The following FXYD1 variants were observed in gnomAD, a reference collection of about 807,000 sequenced individuals.
The protein encoded by FXYD1 is phospholemman.
FXYD1 carries 9 observed loss-of-function variants against 17.2 expected under a neutral mutation model. The ratio of observed to expected loss-of-function variants is 0.52; its 90% CI spans 0.32 to 0.91. The LOEUF (loss-of-function observed/expected upper bound fraction) is 0.91. Among genes scored for constraint, FXYD1 ranks in the 40% least tolerant of loss-of-function variants. FXYD1 has a pLI of 0.04. For missense variants in FXYD1, 113 were observed against 120.6 expected (o/e 0.94, Z 0.29); for synonymous variants, 55 against 45.8 (o/e 1.20, Z -0.81).
intron 4 of FXYD1, 25 bp downstream of exon 4, chr19:35,141,231 C>T (rs1351990151): frequency 2.8e-6 from 4 of 1,409,234 alleles, no homozygotes; most frequent in Non-Finnish European, 4.0e-6. Context: ...CTCCCGCCCT[C>T]TACCCCGCCT....
Position 35,140,095 on chromosome 19 carries a change from C to T in FXYD1, c.16C>T (p.His6Tyr). 1 of 1,612,436 alleles carries T rather than the reference C, an allele frequency of 6.2e-7. No individual in the cohort carries two copies. The highest frequency in any genetic ancestry group is 8.5e-7 in the Non-Finnish European group (1 of 1,178,498). Reference sequence around the variant, plus strand: ...CCCCAGGACAATGGCGTCTCTTGGCCACATCTTGGTTTTCTGTGTGGGTCT... The same window carrying T: ...CCCCAGGACAATGGCGTCTCTTGGCTACATCTTGGTTTTCTGTGTGGGTCT... MASLG[H>Y]ILVFCVGLLT... The change falls in exon 2 of 8, where the codon CAC (histidine) becomes TAC (tyrosine). Residue 6 changes from histidine (H) to tyrosine (Y), a missense_variant. His to Tyr is a moderately conservative substitution (Grantham distance 83, BLOSUM62 2). Transcript: ENST00000351325.
At chr19:35,140,902 TCTCCCCCCTGTCCTC>T (rs1243732401) in intron 3 of FXYD1, 11 of 589,914 alleles carry the variant, frequency 1.9e-5, no homozygotes, top group Admixed American at 1.5e-4. Flanking sequence ...TCCCGTCTTC[TCTCCCCCCTGTCCTC>T]CTCCTCCCTG....
In FXYD1 at chr19:35,141,580, G is replaced by A. The variant is rs2065256388; in HGVS notation, c.206+8G>A. The stretch of plus-strand genomic sequence containing the variant: ...GTTCAACCAGCAGCAGAGGTAAGAC[G>A]CCCCTCCCCGCCCTCCTTCGCCCGC... On this transcript the variant is annotated splice_region_variant and intron_variant, in intron 5 of 7. Coordinates refer to ENST00000351325, the MANE Select transcript of FXYD1 (RefSeq NM_021902.4). 6.2e-7 allele frequency: 1 copy of A among 1,607,016 alleles called. No individual in the cohort carries two copies. The highest frequency in any genetic ancestry group is 8.5e-7 in the Non-Finnish European group (1 of 1,176,296).
rs1430785453 is a variant in FXYD1, at chr19:35,138,847, A to T, written c.-52A>T. On this transcript the variant is annotated 5_prime_UTR_variant, in exon 1 of 8. Transcript: ENST00000351325. ...CCAAAGTGCTCAGCCCCCGGGGCACAGCAGGACGTTTGGGGGCCTTCTTTC... is the reference window on the plus strand; with the variant it reads ...CCAAAGTGCTCAGCCCCCGGGGCACTGCAGGACGTTTGGGGGCCTTCTTTC... 4 of 152,618 alleles carry T rather than the reference A, an allele frequency of 2.6e-5. No individual in the cohort carries two copies. In the East Asian group the frequency reaches 7.7e-4, roughly 29 times the overall value. 9.5% of individuals were successfully genotyped at this position (152,618 alleles called of 1,614,324 possible).
chr19:35,142,049 C>T (rs1205215814), intron 5 of FXYD1, among the ~76,000 whole-genome samples: 1 of 152,230 alleles, frequency 6.6e-6, no homozygotes, highest in Non-Finnish European at 1.5e-5. Flanking sequence ...GATACGGTTT[C>T]ACTTCCTCTG....
chr19:35,141,636 G>C, intron 5 of FXYD1, 64 bp downstream of exon 5: 7 of 1,353,130 alleles, frequency 5.2e-6, no homozygotes, highest in Non-Finnish European at 7.3e-6. Flanking sequence ...CGGGTGAGGC[G>C]GGGAGTACCC....
At chr19:35,141,428 G>A (rs774061887) in intron 4 of FXYD1, 108 bp from the exon 5 acceptor site, 9 of 593,212 alleles carry the variant, frequency 1.5e-5, no homozygotes, top group Non-Finnish European at 2.0e-5. Flanking sequence ...CTCTAGCCCC[G>A]CCCCGTCCCC....
intron 5 of FXYD1, chr19:35,142,125 C>A (rs2065261948): frequency 3.6e-6 from 1 of 281,260 alleles, no homozygotes; most frequent in South Asian, 9.6e-5. Flanking sequence ...GAGGTAAAGT[C>A]ACTTTGTTCA....
intron 1 of FXYD1, chr19:35,139,578 A>T (rs1313440081): frequency 6.3e-6 from 1 of 158,702 alleles, no homozygotes; most frequent in Non-Finnish European, 1.4e-5. Flanking sequence ...AGCGAGCAGA[A>T]TTCCTCCAGG....
intron 1 of FXYD1, chr19:35,139,854 C>T (rs2065234835): frequency 9.5e-6 from 5 of 525,420 alleles, no homozygotes; most frequent in South Asian, 8.7e-5. Context: ...CCCGTCCCTG[C>T]TACGTTGTGT....
chr19:35,142,654 G>GC, intron 6 of FXYD1, 66 bp from the exon 7 acceptor site: 1 of 1,564,056 alleles, frequency 6.4e-7, no homozygotes, highest in South Asian at 1.1e-5. Flanking sequence ...CCCGCCGCGG[G>GC]CCCCACCTGC....
chr19:35,141,545 G>A lies in FXYD1; in HGVS notation c.179G>A (p.Cys60Tyr). ...LGILIVLSRR[C>Y]RCKFNQQQRT... ...CTCTCCACGCCCACAGGCAGAAGAT[G>A]CCGGTGCAAGTTCAACCAGCAGCAG... The change falls in exon 5 of 8, where the codon TGC (cysteine) becomes TAC (tyrosine). Residue 60 changes from cysteine to tyrosine, a missense_variant. Coordinates refer to ENST00000351325, the MANE Select transcript of FXYD1 (RefSeq NM_021902.4). The A allele has an allele frequency of 6.2e-7, 1 of 1,610,646 alleles. No homozygotes were observed. The highest frequency in any genetic ancestry group is 1.7e-4 in the Middle Eastern group (1 of 6,042).
chr19:35,140,012 T>C (rs769044223), intron 1 of FXYD1, 64 bp from the exon 2 acceptor site: 36 of 1,413,180 alleles, frequency 2.5e-5, no homozygotes, highest in Non-Finnish European at 3.3e-5. Context: ...CTTAATCCCT[T>C]GGGTTCAAGC....
chr19:35,139,441 AG>A (rs1172078429), intron 1 of FXYD1: 2 of 152,424 alleles, frequency 1.3e-5, no homozygotes, highest in Non-Finnish European at 2.9e-5. Flanking sequence ...GTTGCTGCCC[AG>A]GGAGGAGACG....
chr19:35,142,766 G>A lies in FXYD1; in HGVS notation c.*24G>A, dbSNP rs1260892418. The stretch of plus-strand genomic sequence containing the variant: ...AGAAACACCTGGAGCGATGGAATCC[G>A]GCCAGGTGCTGCAGCTCTGACACGG... On this transcript the variant is annotated 3_prime_UTR_variant, in exon 7 of 8. Coordinates refer to ENST00000351325, the MANE Select transcript of FXYD1 (RefSeq NM_021902.4). 5 of 1,610,420 alleles carry A rather than the reference G, an allele frequency of 3.1e-6. No individual in the cohort carries two copies. The highest frequency in any genetic ancestry group is 1.7e-5 in the Admixed American group (1 of 59,918).
At chr19:35,142,292 C>T in intron 5 of FXYD1, 180 bp from the exon 6 acceptor site, 1 of 574,764 alleles carries the variant, frequency 1.7e-6, no homozygotes, top group East Asian at 3.1e-5. Context: ...TAGAAGCCCC[C>T]TGCCAGCACA....
In FXYD1 at chr19:35,138,890, T is replaced by A. The variant is rs1348213022; in HGVS notation, c.-9T>A. 6.6e-6 allele frequency: 1 copy of A among 152,606 alleles called. No homozygotes were observed. The highest frequency in any genetic ancestry group is 2.4e-5 in the African/African-American group (1 of 41,586). The allele number at this position is 152,606 out of a possible 1,614,324, so 9.5% of individuals were successfully genotyped here. ...CTTCTTTCAGCAGGGGACAGCCCGA[T>A]TGGGGTGAGCGTCCCCCACTCCTTC... On this transcript the variant is annotated 5_prime_UTR_variant, in exon 1 of 8. In the 5' UTR this introduces an upstream ATG that the reference lacks. Coordinates refer to ENST00000351325, the MANE Select transcript of FXYD1 (RefSeq NM_021902.4).
In FXYD1 at chr19:35,140,624, C is replaced by T. The variant is rs777708990; in HGVS notation, c.89C>T (p.Thr30Ile). Residue 30 changes from threonine (T) to isoleucine (I), a missense_variant, in exon 3 of 8, where the codon ACT becomes ATT. Thr to Ile is a moderately conservative substitution (Grantham distance 89). Coordinates refer to ENST00000351325, the MANE Select transcript of FXYD1 (RefSeq NM_021902.4). ...AESPKEHDPF[T>I]YDYQSLQIGG... ...AGTCCAAAGGAACACGACCCGTTCA[C>T]TTACGGTGAGCGGGGGGTCTAATTT... is the stretch of plus-strand genomic sequence containing the variant. 9.3e-6 allele frequency: 15 copies of T among 1,613,628 alleles called. No homozygotes were observed. In the South Asian group the frequency reaches 1.6e-4, roughly 18 times the overall value.
chr19:35,142,957 C>A lies in FXYD1; in HGVS notation c.*70C>A. ...TGACATCTCCCACGCTCCACCTGCG[C>A]GCCCACCGCCCCCTCCGCCGCCCCT... is the stretch of plus-strand genomic sequence containing the variant. On this transcript the variant is annotated 3_prime_UTR_variant, in exon 8 of 8. Coordinates refer to ENST00000351325, the MANE Select transcript of FXYD1 (RefSeq NM_021902.4). 2 of 588,150 alleles carry A rather than the reference C, an allele frequency of 3.4e-6. No homozygotes were observed. Among genetic ancestry groups the A allele is most frequent in the Non-Finnish European group, 6.0e-6 (2 of 330,786 alleles). 36.4% of individuals were successfully genotyped at this position (588,150 alleles called of 1,614,324 possible).
Sources: gnomAD v4.1 joint callset for allele counts (sites outside exome capture counted in the v4.1 genomes callset) on GRCh38, gnomAD v4.1.1 for gene constraint, MANE v1.5 for transcripts, NCBI Gene and HGNC (gene_info 2026-07-23, HGNC 2026-07-21) for gene names.